Variants in CCL26 observed in about 807,000 individuals in gnomAD.
CCL26 encodes the protein C-C motif chemokine 26.
A neutral mutation model predicts 10.7 loss-of-function variants in CCL26; 10 were observed. That is an observed-to-expected ratio of 0.93 (90% CI 0.57 to 1.58). The LOEUF (loss-of-function observed/expected upper bound fraction) is 1.58, where lower values mean the gene tolerates loss of function less well. Ranked by LOEUF, CCL26 falls within the 40% of genes most tolerant of loss-of-function variation. The probability of loss-of-function intolerance (pLI) is 0.00; values close to 1 mark genes in which losing one functional copy is unlikely to be tolerated. For missense variants in CCL26, 116 were observed against 111.0 expected (o/e 1.05, Z -0.20); for synonymous variants, 43 against 41.4 (o/e 1.04, Z -0.15).
chr7:75,781,986 C>T (rs1803075167), intron 1 of CCL26, among the ~76,000 whole-genome samples: 1 of 152,166 alleles, frequency 6.6e-6, no homozygotes, highest in African/African-American at 2.4e-5. Context: ...AGACCAGTCC[C>T]CTGTCCTCAC....
chr7:75,780,847 C>A (rs782819089), intron 1 of CCL26, among the ~76,000 whole-genome samples: 1 of 152,202 alleles, frequency 6.6e-6, no homozygotes, highest in Non-Finnish European at 1.5e-5. Context: ...TCCGCTCCCC[C>A]ACCCTACAAT....
chr7:75,791,281 C>T (rs1803327272), upstream of CCL26, among the ~76,000 whole-genome samples: 1 of 152,148 alleles, frequency 6.6e-6, no homozygotes, highest in African/African-American at 2.4e-5. Flanking sequence ...CGCCTCAGCT[C>T]CCAAAGGGCT....
At chr7:75,786,466 C>T (rs999948594) in intron 1 of CCL26, among the ~76,000 whole-genome samples, 2 of 152,194 alleles carry the variant, frequency 1.3e-5, no homozygotes, top group African/African-American at 4.8e-5. Flanking sequence ...AATATTTATA[C>T]TGACCCCATA....
upstream of CCL26, among the ~76,000 whole-genome samples, chr7:75,776,510 C>CA (rs1268689430): frequency 1.6e-5 from 2 of 126,612 alleles, no homozygotes; most frequent in African/African-American, 6.2e-5. Flanking sequence ...CACTGCACTC[C>CA]AAAAAGGAAG....
At chr7:75,781,701 G>A (rs1231916444) in intron 1 of CCL26, among the ~76,000 whole-genome samples, 1 of 152,058 alleles carries the variant, frequency 6.6e-6, no homozygotes, top group Non-Finnish European at 1.5e-5. Context: ...GGCTCATCCT[G>A]GCTCAAAAGC....
chr7:75,790,691 C>A (rs1803312135), upstream of CCL26, among the ~76,000 whole-genome samples: 1 of 152,108 alleles, frequency 6.6e-6, no homozygotes, highest in Non-Finnish European at 1.5e-5. Context: ...CACCAGTAAT[C>A]CCAGCACTGT....
At chr7:75,773,147 A>G (rs117410539), upstream of CCL26, among the ~76,000 whole-genome samples, 103 of 152,308 alleles carry the variant, frequency 6.8e-4, 2 homozygotes, top group East Asian at 0.019. Flanking sequence ...AACCTGACAG[A>G]TCATCACAAT....
chr7:75,784,651 T>C (rs1803141920), intron 1 of CCL26, among the ~76,000 whole-genome samples: 1 of 152,150 alleles, frequency 6.6e-6, no homozygotes, highest in Non-Finnish European at 1.5e-5. Context: ...GCACTCCTTT[T>C]TAGTTATCCC....
intron 1 of CCL26, among the ~76,000 whole-genome samples, chr7:75,779,296 G>T (rs139162745): frequency 6.6e-6 from 1 of 152,118 alleles, no homozygotes; most frequent in African/African-American, 2.4e-5. Context: ...CGCTTCACAC[G>T]GACGCGAGTG....
At chr7:75,778,800 G>A (rs1185293324) in intron 1 of CCL26, among the ~76,000 whole-genome samples, 15 of 151,582 alleles carry the variant, frequency 9.9e-5, no homozygotes, top group Admixed American at 8.6e-4. Context: ...GAGTCATGCC[G>A]GGCACGGTGG....
intron 1 of CCL26, among the ~76,000 whole-genome samples, chr7:75,779,095 C>A (rs1271471971): frequency 2.0e-5 from 3 of 152,158 alleles, no homozygotes; most frequent in African/African-American, 7.2e-5. Flanking sequence ...AGCTCCCCCA[C>A]TGAGCACCTT....
At chr7:75,786,309 C>A (rs1327739482) in intron 1 of CCL26, among the ~76,000 whole-genome samples, 1 of 152,152 alleles carries the variant, frequency 6.6e-6, no homozygotes, top group Non-Finnish European at 1.5e-5. Context: ...CAGGCCTGAT[C>A]GCCACTCACC....
upstream of CCL26, among the ~76,000 whole-genome samples, chr7:75,790,069 C>T (rs1207588345): frequency 8.5e-6 from 1 of 117,540 alleles, no homozygotes; most frequent in Non-Finnish European, 1.6e-5. Flanking sequence ...CTTTCTTTCC[C>T]TTCTTTTCTT....
intron 1 of CCL26, among the ~76,000 whole-genome samples, chr7:75,786,729 C>A (rs1803192450): frequency 6.6e-6 from 1 of 152,184 alleles, no homozygotes; most frequent in Non-Finnish European, 1.5e-5. Context: ...GTCACTCCCA[C>A]CTACTCTCCC....
At chr7:75,773,705 G>A (rs1421904146), upstream of CCL26, among the ~76,000 whole-genome samples, 4 of 151,748 alleles carry the variant, frequency 2.6e-5, no homozygotes, top group African/African-American at 4.8e-5. Flanking sequence ...GTGAAACCCC[G>A]TCTCTACTAA....
At chr7:75,781,002 T>A (rs782197626) in intron 1 of CCL26, among the ~76,000 whole-genome samples, 1 of 152,236 alleles carries the variant, frequency 6.6e-6, no homozygotes, top group African/African-American at 2.4e-5. Context: ...TTTTTCTTTA[T>A]CTGAACTCTC....
chr7:75,788,012 C>T (rs1280060450), intron 1 of CCL26, among the ~76,000 whole-genome samples: 1 of 152,114 alleles, frequency 6.6e-6, no homozygotes, highest in Non-Finnish European at 1.5e-5. Flanking sequence ...ATCTCTCCCA[C>T]TCTAGGTTCC....
intron 1 of CCL26, among the ~76,000 whole-genome samples, chr7:75,778,931 A>G (rs1803001821): frequency 6.6e-6 from 1 of 152,194 alleles, no homozygotes. Context: ...TCTGAGCCCA[A>G]GCTAAGCCAT....
chr7:75,771,491 C>A (rs529557201), intron 2 of CCL26, among the ~76,000 whole-genome samples: 4 of 152,108 alleles, frequency 2.6e-5, no homozygotes, highest in Non-Finnish European at 5.9e-5. Flanking sequence ...GAGGCTGAGG[C>A]GGGCAAATCA....
Sources: gnomAD v4.1 joint callset for allele counts (sites outside exome capture counted in the v4.1 genomes callset) on GRCh38, gnomAD v4.1.1 for gene constraint, MANE v1.5 for transcripts, NCBI Gene and HGNC (gene_info 2026-07-23, HGNC 2026-07-21) for gene names.